TYRP1: variants seen among roughly 807,000 people sequenced by gnomAD.
The protein encoded by TYRP1 is tyrosinase related protein 1, also known as 5,6-dihydroxyindole-2-carboxylic acid oxidase.
A neutral mutation model predicts 42.8 loss-of-function variants in TYRP1; 49 were observed. The ratio of observed to expected loss-of-function variants is 1.14; its 90% CI spans 0.91 to 1.45. The LOEUF (loss-of-function observed/expected upper bound fraction) is 1.45. Among genes scored for constraint, TYRP1 ranks in the 40% most tolerant of loss-of-function variants. The pLI is 0.00. For missense variants in TYRP1, 848 were observed against 662.0 expected (o/e 1.28, Z -3.08); for synonymous variants, 279 against 235.4 (o/e 1.19, Z -1.69).
At position 12,695,732 on chromosome 9, in the gene TYRP1, T is replaced by G. The variant is rs749246482; in HGVS notation, c.603T>G (p.Leu201=). 7.4e-6 allele frequency: 12 copies of G among 1,613,978 alleles called. No homozygotes were observed. In the South Asian group the frequency reaches 1.3e-4, roughly 18 times the overall value. ...THYYSVKKTF[L]GVGQESFGEV... Reference sequence around the variant, plus strand: ...ATTACTCAGTCAAAAAGACTTTCCTTGGGGTAGGACAGGAAAGCTTTGGTG... The same window carrying G: ...ATTACTCAGTCAAAAAGACTTTCCTGGGGGTAGGACAGGAAAGCTTTGGTG... Residue 201 remains leucine, a synonymous_variant, in exon 3 of 8, where the codon CTT becomes CTG. Transcript: ENST00000388918.
In TYRP1 at chr9:12,709,036, G is replaced by T; in HGVS notation, c.1468G>T (p.Val490Phe). The T allele has an allele frequency of 6.2e-7, 1 of 1,612,702 alleles. No individual in the cohort carries two copies. Among genetic ancestry groups the T allele is most frequent in the Non-Finnish European group, 8.5e-7 (1 of 1,179,256 alleles). ...AIAVVGALLLVALIFGTASYL... is the reference protein window; with the variant it reads ...AIAVVGALLLFALIFGTASYL... ...AGCAGTAGTTGGCGCTTTGTTACTG[G>T]TTGCACTCATTTTTGGGACTGCTTC... Residue 490 changes from valine (V) to phenylalanine (F), a missense_variant, in exon 8 of 8, where the codon GTT (valine) becomes TTT (phenylalanine). Physicochemically the swap from Val to Phe is conservative, Grantham distance 50 (BLOSUM62 -1). Coordinates refer to ENST00000388918, the MANE Select transcript of TYRP1 (RefSeq NM_000550.3).
intron 5 of TYRP1, 54 bp from the exon 6 acceptor site, chr9:12,704,471 GA>G: frequency 6.3e-7 from 1 of 1,581,938 alleles, no homozygotes; most frequent in South Asian, 1.1e-5. Flanking sequence ...CTATTACCTG[GA>G]AAAGTGAAAT....
rs920009112 is a variant in TYRP1 at position 12,709,886 on chromosome 9, C to G, written c.*704C>G. ...CACTGTGTTTCCCTGCCTCTCAATT[C>G]GCTGAAAAAGGAACTACCTATCCTT... is the stretch of plus-strand genomic sequence containing the variant. On this transcript the variant is annotated 3_prime_UTR_variant, in exon 8 of 8. Transcript: ENST00000388918. 6.6e-6 allele frequency: 1 copy of G among 152,560 alleles called. No homozygotes were observed. Among genetic ancestry groups the G allele is most frequent in the Non-Finnish European group, 1.5e-5 (1 of 68,470 alleles). 9.5% of individuals were successfully genotyped at this position (152,560 alleles called of 1,614,324 possible).
chr9:12,708,885 T>TA (rs1818305511), intron 7 of TYRP1, 92 bp from the exon 8 acceptor site: 3 of 1,207,618 alleles, frequency 2.5e-6, no homozygotes, highest in Admixed American at 2.0e-5. Flanking sequence ...GGATTTCTGT[T>TA]AAAATAGACA....
rs371052314 is a variant in TYRP1 at position 12,702,456 on chromosome 9, G to A, written c.1081+18G>A. 22 of 1,610,516 alleles carry A rather than the reference G, an allele frequency of 1.4e-5. No individual in the cohort carries two copies. The African/African-American group carries it at 2.5e-4, about 19-fold the overall frequency. On this transcript the variant is annotated intron_variant, in intron 5 of 7. Transcript: ENST00000388918. ...AGTGGAAGGCAAGTAAATGAAATCA[G>A]TATTTTTAAAAGATCTAGTTATCAG...
Position 12,704,645 on chromosome 9 carries a change from G to A in TYRP1, c.1201G>A (p.Val401Ile), listed in dbSNP as rs1252221087. 1.2e-6 allele frequency: 2 copies of A among 1,612,990 alleles called. No individual in the cohort carries two copies. The highest frequency in any genetic ancestry group is 1.7e-5 in the Admixed American group (1 of 59,842). Residue 401 changes from valine (V) to isoleucine (I), a missense_variant, in exon 6 of 8, where the codon GTC becomes ATC. Physicochemically the swap from Val to Ile is conservative, Grantham distance 29. Coordinates refer to ENST00000388918, the MANE Select transcript of TYRP1 (RefSeq NM_000550.3). Reference protein sequence around the residue: ...THLSPNDPIFVLLHTFTDAVF... With the variant: ...THLSPNDPIFILLHTFTDAVF... ...TTTGTCTCCAAATGATCCTATTTTTGTCCTCCTGCACACCTTCACAGATGC... is the reference window on the plus strand; with the variant it reads ...TTTGTCTCCAAATGATCCTATTTTTATCCTCCTGCACACCTTCACAGATGC...
At position 12,702,257 on chromosome 9, in the gene TYRP1, A is replaced by T; in HGVS notation, c.914-14A>T. 1 of 1,612,612 alleles carries T rather than the reference A, an allele frequency of 6.2e-7. No individual in the cohort carries two copies. Among genetic ancestry groups the T allele is most frequent in the Non-Finnish European group, 8.5e-7 (1 of 1,179,178 alleles). On this transcript the variant is annotated splice_polypyrimidine_tract_variant and intron_variant, in intron 4 of 7. Transcript: ENST00000388918. Reference sequence around the variant, plus strand: ...CATTGTGTAAATGTTTCCACATCCCATTTTTTTCTGCAGGCACCGAGGATG... The same window carrying T: ...CATTGTGTAAATGTTTCCACATCCCTTTTTTTTCTGCAGGCACCGAGGATG...
chr9:12,707,881 A>ATAAG (rs1223103616), intron 6 of TYRP1, 116 bp from the exon 7 acceptor site: 1 of 979,886 alleles, frequency 1.0e-6, no homozygotes, highest in East Asian at 2.6e-5. Context: ...TCAGTGTAAA[A>ATAAG]TAAGAATAAA....
In TYRP1 at chr9:12,693,977, G is replaced by T. The variant is rs763076300; in HGVS notation, c.-20G>T. Reference sequence around the variant, plus strand: ...GAGCTGCAAACCAGGTCTTTGTTTTGCACTCTTATTTCAAGCAGAATGAGT... The same window carrying T: ...GAGCTGCAAACCAGGTCTTTGTTTTTCACTCTTATTTCAAGCAGAATGAGT... On this transcript the variant is annotated 5_prime_UTR_variant, in exon 2 of 8. Coordinates refer to ENST00000388918, the MANE Select transcript of TYRP1 (RefSeq NM_000550.3). 1.1e-5 allele frequency: 17 copies of T among 1,613,320 alleles called. No homozygotes were observed. Among genetic ancestry groups the T allele is most frequent in the Non-Finnish European group, 1.4e-5 (16 of 1,179,930 alleles).
At chr9:12,698,926 A>ATGTC (rs1818122110) in intron 4 of TYRP1, among the ~76,000 whole-genome samples, 2 of 152,112 alleles carry the variant, frequency 1.3e-5, no homozygotes, top group South Asian at 4.1e-4. Context: ...TATTTTGGAA[A>ATGTC]TGTCTAGTTG....
chr9:12,704,468 C>T, intron 5 of TYRP1, 58 bp from the exon 6 acceptor site: 1 of 1,575,076 alleles, frequency 6.3e-7, no homozygotes, highest in Non-Finnish European at 8.6e-7. Context: ...TTGCTATTAC[C>T]TGGAAAAGTG....
At chr9:12,705,546 G>A (rs1442875613) in intron 6 of TYRP1, among the ~76,000 whole-genome samples, 2 of 151,934 alleles carry the variant, frequency 1.3e-5, no homozygotes, top group South Asian at 2.1e-4. Flanking sequence ...AAAATAGTTT[G>A]TTCCATCAAA....
intron 4 of TYRP1, among the ~76,000 whole-genome samples, chr9:12,701,048 G>C (rs950327635): frequency 2.0e-5 from 3 of 151,962 alleles, no homozygotes; most frequent in African/African-American, 7.2e-5. Flanking sequence ...CAGCTTAGTG[G>C]ATTGTTTTGC....
chr9:12,698,818 A>C (rs1397693919), intron 4 of TYRP1, among the ~76,000 whole-genome samples, 163 bp downstream of exon 4: 1 of 152,134 alleles, frequency 6.6e-6, no homozygotes, highest in Non-Finnish European at 1.5e-5. Context: ...TAGAATGTTC[A>C]AGGTACTCTA....
At chr9:12,694,981 C>T (rs1818052559) in intron 2 of TYRP1, among the ~76,000 whole-genome samples, 1 of 152,088 alleles carries the variant, frequency 6.6e-6, no homozygotes, top group Non-Finnish European at 1.5e-5. Context: ...TGTATTGAGT[C>T]CTTACTATGA....
chr9:12,705,750 G>A (rs1818247482), intron 6 of TYRP1, among the ~76,000 whole-genome samples: 1 of 151,960 alleles, frequency 6.6e-6, no homozygotes, highest in Non-Finnish European at 1.5e-5. Context: ...GGGAGGCTGA[G>A]GCAGGAGAAT....
chr9:12,695,634 A>G lies in TYRP1; in HGVS notation c.505A>G (p.Ile169Val), dbSNP rs1818067044. The change falls in exon 3 of 8, where the codon ATA becomes GTA. Residue 169 changes from isoleucine (I) to valine (V), a missense_variant. By Grantham distance (29) the Ile-to-Val change is conservative. Transcript: ENST00000388918. ...FVIATRRSEEILGPDGNTPQF... is the reference protein window; with the variant it reads ...FVIATRRSEEVLGPDGNTPQF... ...CATTGCCACCAGGAGATCAGAAGAAATACTGGGGCCAGATGGCAACACGCC... is the reference window on the plus strand; with the variant it reads ...CATTGCCACCAGGAGATCAGAAGAAGTACTGGGGCCAGATGGCAACACGCC... 1 of 1,614,120 alleles carries G rather than the reference A, an allele frequency of 6.2e-7. No homozygotes were observed. The highest frequency in any genetic ancestry group is 1.7e-5 in the Admixed American group (1 of 60,010).
chr9:12,702,182 A>C (rs1050669660), intron 4 of TYRP1, 89 bp from the exon 5 acceptor site: 1 of 1,353,618 alleles, frequency 7.4e-7, no homozygotes, highest in African/African-American at 1.5e-5. Flanking sequence ...CCTATATTTC[A>C]TATTCATGCT....
intron 5 of TYRP1, among the ~76,000 whole-genome samples, chr9:12,703,765 C>T (rs974050466): frequency 1.3e-5 from 2 of 151,832 alleles, no homozygotes; most frequent in African/African-American, 4.8e-5. Context: ...TCCCTGATCT[C>T]AACCCTCTGG....
Sources: gnomAD v4.1 joint callset for allele counts (sites outside exome capture counted in the v4.1 genomes callset) on GRCh38, gnomAD v4.1.1 for gene constraint, MANE v1.5 for transcripts, NCBI Gene and HGNC (gene_info 2026-07-23, HGNC 2026-07-21) for gene names.